RIT2: variants seen among roughly 807,000 people sequenced by gnomAD.
The protein encoded by RIT2 is GTP-binding protein Rit2.
RIT2 carries 24 observed loss-of-function variants against 23.7 expected under a neutral mutation model. The ratio of observed to expected loss-of-function variants is 1.01; its 90% CI spans 0.73 to 1.43. The LOEUF (loss-of-function observed/expected upper bound fraction) is 1.43, where lower values mean the gene tolerates loss of function less well. Among genes scored for constraint, RIT2 ranks in the 40% most tolerant of loss-of-function variants. RIT2 has a pLI of 0.00. For missense variants in RIT2, 236 were observed against 266.9 expected (o/e 0.88, Z 0.81); for synonymous variants, 107 against 91.1 (o/e 1.17, Z -0.99).
chr18:42,920,606 G>T (rs562155186), intron 4 of RIT2: 2 of 809,138 alleles, frequency 2.5e-6, no homozygotes, highest in African/African-American at 3.4e-5. Flanking sequence ...ACTAAAACTC[G>T]TTGTCTTTTT....
At chr18:42,821,904 C>T (rs1393924331) in intron 4 of RIT2, among the ~76,000 whole-genome samples, 1 of 152,096 alleles carries the variant, frequency 6.6e-6, no homozygotes, top group Non-Finnish European at 1.5e-5. Flanking sequence ...AACAGAAGTT[C>T]ATGTAAAGTA....
intron 4 of RIT2, among the ~76,000 whole-genome samples, chr18:42,855,155 T>C (rs1254839056): frequency 6.6e-6 from 1 of 152,218 alleles, no homozygotes; most frequent in Admixed American, 6.5e-5. Context: ...AGCTAAGACA[T>C]ATCTCTATCA....
At chr18:42,844,286 C>T (rs1474823416) in intron 4 of RIT2, among the ~76,000 whole-genome samples, 1 of 152,196 alleles carries the variant, frequency 6.6e-6, no homozygotes, top group Non-Finnish European at 1.5e-5. Flanking sequence ...TGCCTTGTCA[C>T]ATGGGGCAGC....
At chr18:42,983,930 C>A (rs1331575929) in intron 2 of RIT2, among the ~76,000 whole-genome samples, 1 of 152,008 alleles carries the variant, frequency 6.6e-6, no homozygotes, top group Non-Finnish European at 1.5e-5. Flanking sequence ...AATGTTACAA[C>A]CACTCTGAAG....
chr18:43,101,579 T>C (rs1396453366), intron 1 of RIT2, among the ~76,000 whole-genome samples: 2 of 152,178 alleles, frequency 1.3e-5, no homozygotes, highest in Admixed American at 6.5e-5. Context: ...AGTCACTTGA[T>C]TAATTAGTGG....
chr18:42,932,901 A>T (rs911551371), intron 3 of RIT2, among the ~76,000 whole-genome samples: 3 of 151,970 alleles, frequency 2.0e-5, no homozygotes, highest in Admixed American at 6.6e-5. Context: ...ATTGAGAATA[A>T]TTTTTTTGTA....
In RIT2 at chr18:42,895,535, G is replaced by A. The variant is rs143927338; in HGVS notation, c.426+28037C>T. Among the ~76,000 whole-genome samples, 5 of 152,284 alleles carry A rather than the reference G, an allele frequency of 3.3e-5. No homozygotes were observed. In the East Asian group the frequency reaches 9.6e-4, roughly 29 times the overall value. ...GGGGGCAGTAAGACATGTGAGCACA[G>A]ACTTCAACATTAAAGTTACAGTACT... On this transcript the variant is annotated intron_variant, in intron 4 of 4. Transcript: ENST00000326695.
intron 3 of RIT2, among the ~76,000 whole-genome samples, chr18:42,944,077 C>A (rs141613587): frequency 6.6e-6 from 1 of 152,098 alleles, no homozygotes; most frequent in Non-Finnish European, 1.5e-5. Context: ...AGCCACGTCA[C>A]GTCCCTTCCC....
rs982713315 is a variant in RIT2 at position 42,796,179 on chromosome 18, G to A, written c.427-52459C>T. Among the ~76,000 whole-genome samples the A allele has an allele frequency of 3.9e-5, 6 of 152,010 alleles. No individual in the cohort carries two copies. In the South Asian group the frequency reaches 6.2e-4, roughly 16 times the overall value. ...TGCTTTTATGAGCTGTAACACTCAC[G>A]GCGAAGGTCTGCAGCTTCACTCCTG... On this transcript the variant is annotated intron_variant, in intron 4 of 4. Transcript: ENST00000326695.
At chr18:42,946,978 G>A (rs1183199827) in intron 3 of RIT2, among the ~76,000 whole-genome samples, 1 of 152,084 alleles carries the variant, frequency 6.6e-6, no homozygotes, top group African/African-American at 2.4e-5. Flanking sequence ...CTATGGACCA[G>A]TAGCAAAATG....
intron 4 of RIT2, among the ~76,000 whole-genome samples, chr18:42,749,040 T>C (rs1912983929): frequency 6.6e-6 from 1 of 151,996 alleles, no homozygotes; most frequent in Admixed American, 6.6e-5. Flanking sequence ...AATGAAAAAG[T>C]CAGATTCTCT....
intron 4 of RIT2, among the ~76,000 whole-genome samples, chr18:42,884,484 C>G (rs377383894): frequency 8.5e-5 from 13 of 152,182 alleles, no homozygotes; most frequent in Non-Finnish European, 1.3e-4. Flanking sequence ...TTCTCCTCAT[C>G]ATGGCTGTTC....
At chr18:42,774,241 A>G (rs1284294095) in intron 4 of RIT2, among the ~76,000 whole-genome samples, 4 of 152,196 alleles carry the variant, frequency 2.6e-5, no homozygotes, top group East Asian at 3.8e-4. Context: ...GGTAGACTCA[A>G]TGGTGGTTTC....
At chr18:42,799,565 G>A (rs987377875) in intron 4 of RIT2, among the ~76,000 whole-genome samples, 1 of 151,950 alleles carries the variant, frequency 6.6e-6, no homozygotes, top group African/African-American at 2.4e-5. Context: ...TTCAGCAACT[G>A]GAGTAATCTC....
rs148470219 is a variant in RIT2 at position 42,933,448 on chromosome 18, T to C, written c.235-9685A>G. ...GTCCTGGACAAAATCTCATCTTAAA[T>C]TGTAGTTCCCATAATTCCCACATCC... On this transcript the variant is annotated intron_variant, in intron 3 of 4. Coordinates refer to ENST00000326695, the MANE Select transcript of RIT2 (RefSeq NM_002930.4). 2.1e-3 allele frequency among the ~76,000 whole-genome samples: 319 copies of C among 152,202 alleles called. 3 individuals carry two copies. The highest frequency in any genetic ancestry group is 7.5e-3 in the African/African-American group (312 of 41,546).
chr18:42,962,829 G>A (rs1215101996), intron 3 of RIT2, among the ~76,000 whole-genome samples: 2 of 152,150 alleles, frequency 1.3e-5, no homozygotes, highest in East Asian at 3.9e-4. Context: ...TTCACAGGAT[G>A]CTAGTATACA....
intron 3 of RIT2, among the ~76,000 whole-genome samples, chr18:42,935,159 C>T (rs1032058057): frequency 1.3e-5 from 2 of 152,034 alleles, no homozygotes; most frequent in African/African-American, 4.8e-5. Context: ...CTGCCTTTAC[C>T]ACTTGTTCAA....
At chr18:42,950,911 A>AT (rs956751009) in intron 3 of RIT2, among the ~76,000 whole-genome samples, 16 of 151,794 alleles carry the variant, frequency 1.1e-4, no homozygotes, top group African/African-American at 3.1e-4. Context: ...AAAAAAAAAA[A>AT]AAATAACAGA....
chr18:42,945,458 A>G (rs1909706518), intron 3 of RIT2, among the ~76,000 whole-genome samples: 1 of 152,178 alleles, frequency 6.6e-6, no homozygotes, highest in Non-Finnish European at 1.5e-5. Context: ...TAGACTGGCA[A>G]AGATCCATTC....
Sources: allele counts gnomAD v4.1 joint callset (sites outside exome capture counted in the v4.1 genomes callset), GRCh38; gene constraint gnomAD v4.1.1; transcripts MANE v1.5; gene names NCBI Gene and HGNC (gene_info 2026-07-23, HGNC 2026-07-21).